The following FAM135B variants were observed in gnomAD, a reference collection of about 807,000 sequenced individuals.
The protein encoded by FAM135B is protein FAM135B.
FAM135B carries 43 observed loss-of-function variants against 127.7 expected under a neutral mutation model. The observed-to-expected ratio is 0.34, with a 90% confidence interval of 0.26 to 0.43. FAM135B has a LOEUF of 0.43. FAM135B is among the 20% of genes least tolerant of loss of function. The pLI, the probability that FAM135B is intolerant of heterozygous loss-of-function variation, is 1.00. For missense variants in FAM135B, 1,558 were observed against 1,725.6 expected (o/e 0.90, Z 1.72); for synonymous variants, 670 against 665.1 (o/e 1.01, Z -0.11).
intron 11 of FAM135B, 117 bp from the exon 12 acceptor site, chr8:138,168,166 T>G: frequency 8.5e-7 from 1 of 1,181,018 alleles, no homozygotes; most frequent in Non-Finnish European, 1.2e-6. Context: ...GGCAATTGTC[T>G]GCCCATCATC....
intron 2 of FAM135B, among the ~76,000 whole-genome samples, chr8:138,343,690 A>T (rs1275469200): frequency 6.6e-6 from 1 of 152,186 alleles, no homozygotes; most frequent in Non-Finnish European, 1.5e-5. Flanking sequence ...TAAGTCCACA[A>T]CCATTCCATC....
intron 9 of FAM135B, among the ~76,000 whole-genome samples, chr8:138,186,683 G>A (rs1276000325): frequency 6.6e-5 from 10 of 152,194 alleles, no homozygotes; most frequent in Admixed American, 6.5e-4. Context: ...TTTGTATAAA[G>A]TAAAGCCTGT....
At chr8:138,200,004 C>G (rs964751531) in intron 7 of FAM135B, among the ~76,000 whole-genome samples, 10 of 152,182 alleles carry the variant, frequency 6.6e-5, no homozygotes, top group Admixed American at 5.9e-4. Flanking sequence ...ACAGGGCAGT[C>G]TCCATACTTA....
intron 7 of FAM135B, among the ~76,000 whole-genome samples, chr8:138,211,231 T>A (rs1257266168): frequency 2.0e-5 from 3 of 152,226 alleles, no homozygotes; most frequent in Non-Finnish European, 4.4e-5. Flanking sequence ...CTGGTTTTTA[T>A]TTAAATAACT....
intron 7 of FAM135B, among the ~76,000 whole-genome samples, chr8:138,221,496 A>G (rs1003317376): frequency 1.9e-4 from 29 of 152,156 alleles, no homozygotes; most frequent in African/African-American, 6.8e-4. Flanking sequence ...GATTCAAACC[A>G]TATTACTCTC....
rs183241827 is a variant in FAM135B, at chr8:138,477,731, C to T, written c.-20+18940G>A. On this transcript the variant is annotated intron_variant, in intron 1 of 19. Coordinates refer to ENST00000395297, the MANE Select transcript of FAM135B (RefSeq NM_015912.4). ...TTTTGGTCAGTGGTGGCCATGAGGG[C>T]CAGTTCAGTCTGAGAAGATGTTAGT... Among the ~76,000 whole-genome samples the T allele has an allele frequency of 4.8e-4, 73 of 152,282 alleles. No individual in the cohort carries two copies. In the East Asian group the frequency reaches 0.014, roughly 28 times the overall value.
At chr8:138,335,405 A>G (rs1252354000) in intron 2 of FAM135B, among the ~76,000 whole-genome samples, 2 of 152,190 alleles carry the variant, frequency 1.3e-5, no homozygotes, top group Non-Finnish European at 2.9e-5. Context: ...AAATAGTCAT[A>G]CAAATTATCT....
At chr8:138,211,822 C>A (rs1364967624) in intron 7 of FAM135B, among the ~76,000 whole-genome samples, 1 of 152,182 alleles carries the variant, frequency 6.6e-6, no homozygotes, top group Non-Finnish European at 1.5e-5. Flanking sequence ...AATCCCAGCA[C>A]TTTGGGAGGC....
At chr8:138,318,408 G>T (rs948875005) in intron 2 of FAM135B, among the ~76,000 whole-genome samples, 9 of 152,326 alleles carry the variant, frequency 5.9e-5, no homozygotes, top group Admixed American at 6.5e-5. Context: ...TGCACTTGAA[G>T]TGGTTACAGC....
chr8:138,340,015 A>G (rs1828931853), intron 2 of FAM135B, among the ~76,000 whole-genome samples: 1 of 152,178 alleles, frequency 6.6e-6, no homozygotes, highest in Admixed American at 6.5e-5. Context: ...GGCCTGGTTC[A>G]TCATCCCGGG....
intron 7 of FAM135B, among the ~76,000 whole-genome samples, chr8:138,220,952 T>C (rs77839314): frequency 0.029 from 4,350 of 152,324 alleles, 178 homozygotes; most frequent in African/African-American, 0.097. Flanking sequence ...AGCAAGTTTT[T>C]CAGGCTTTGG....
At chr8:138,140,915 AACACCG>A (rs1817083895) in intron 17 of FAM135B, among the ~76,000 whole-genome samples, 2 of 152,134 alleles carry the variant, frequency 1.3e-5, no homozygotes, top group African/African-American at 4.8e-5. Context: ...TCTTCATCAC[AACACCG>A]TGTCTTGTCA....
intron 1 of FAM135B, among the ~76,000 whole-genome samples, chr8:138,390,440 A>G (rs1832495535): frequency 6.6e-6 from 1 of 151,946 alleles, no homozygotes; most frequent in Non-Finnish European, 1.5e-5. Context: ...CATGATTGTG[A>G]GGCCTCCCCA....
chr8:138,379,855 C>A (rs1465761654), intron 1 of FAM135B, among the ~76,000 whole-genome samples: 1 of 152,142 alleles, frequency 6.6e-6, no homozygotes, highest in African/African-American at 2.4e-5. Context: ...ATTCCCTGTC[C>A]CTGGAAGAAC....
intron 4 of FAM135B, among the ~76,000 whole-genome samples, chr8:138,265,176 C>T (rs904195250): frequency 2.0e-5 from 3 of 152,184 alleles, no homozygotes; most frequent in Admixed American, 6.5e-5. Flanking sequence ...GCATCTGAGG[C>T]CAGCTCTTTT....
intron 9 of FAM135B, among the ~76,000 whole-genome samples, chr8:138,193,137 G>A (rs16908525): frequency 2.0e-5 from 3 of 152,166 alleles, no homozygotes; most frequent in Non-Finnish European, 4.4e-5. Context: ...CCTCACGACC[G>A]CACAGCTGGG....
At chr8:138,425,207 T>A (rs1423926166) in intron 1 of FAM135B, among the ~76,000 whole-genome samples, 3 of 152,224 alleles carry the variant, frequency 2.0e-5, no homozygotes, top group African/African-American at 7.2e-5. Flanking sequence ...GAGTATTATA[T>A]ACATGGATAC....
chr8:138,202,012 C>T (rs1019965273), intron 7 of FAM135B, among the ~76,000 whole-genome samples: 1 of 151,150 alleles, frequency 6.6e-6, no homozygotes, highest in African/African-American at 2.4e-5. Flanking sequence ...GTAATCCCAG[C>T]TACTCAGGAG....
intron 3 of FAM135B, among the ~76,000 whole-genome samples, chr8:138,269,342 G>A (rs1353031209): frequency 2.6e-5 from 4 of 152,182 alleles, no homozygotes; most frequent in Non-Finnish European, 5.9e-5. Context: ...CAAACCAACA[G>A]CACCCTTAGG....
Sources: gnomAD v4.1 joint callset for allele counts (sites outside exome capture counted in the v4.1 genomes callset) on GRCh38, gnomAD v4.1.1 for gene constraint, MANE v1.5 for transcripts, NCBI Gene and HGNC (gene_info 2026-07-23, HGNC 2026-07-21) for gene names.